Variants in SNED1 observed in about 807,000 individuals in gnomAD.
SNED1 encodes sushi, nidogen and EGF-like domain-containing protein 1.
In SNED1, 81 loss-of-function variants were observed where a neutral mutation model predicts 166.7. The observed-to-expected ratio is 0.49, with a 90% CI of 0.41 to 0.58. The LOEUF is 0.58. SNED1 is among the 20% of genes least tolerant of loss of function. The pLI is 0.00. For missense variants in SNED1, 1,604 were observed against 2,000.2 expected, an observed-to-expected ratio of 0.80 and a Z score of 3.78; for synonymous variants, 762 against 822.0, an observed-to-expected ratio of 0.93 and a Z score of 1.25.
At chr2:241,082,441 C>T (rs1184067765) in intron 29 of SNED1, 77 bp downstream of exon 29, 35 of 1,090,666 alleles carry the variant, frequency 3.2e-5, no homozygotes, top group Non-Finnish European at 8.3e-6. Flanking sequence ...CTCAAAGCTA[C>T]CCAGCTAACC....
intron 27 of SNED1, among the ~76,000 whole-genome samples, chr2:241,081,463 A>G (rs768779569): frequency 3.4e-4 from 52 of 152,114 alleles, no homozygotes; most frequent in Non-Finnish European, 7.1e-4. Flanking sequence ...GGCCGAGCAC[A>G]CTGCGGCCTG....
chr2:241,041,888 T>C (rs1420645933), intron 8 of SNED1, among the ~76,000 whole-genome samples: 1 of 152,154 alleles, frequency 6.6e-6, no homozygotes, highest in African/African-American at 2.4e-5. Flanking sequence ...TCTTGGAATT[T>C]CCCTCTCACC....
Position 241,051,264 on chromosome 2 carries a change from C to T in SNED1, c.1736-480C>T, listed in dbSNP as rs2061830843. 6.5e-6 allele frequency: 1 copy of T among 154,818 alleles called. No individual in the cohort carries two copies. Among genetic ancestry groups the T allele is most frequent in the Admixed American group, 6.5e-5 (1 of 15,372 alleles). 9.6% of individuals were successfully genotyped at this position (154,818 alleles called of 1,614,324 possible). A position where few individuals can be genotyped will look rare whatever the true frequency, so the allele number is the denominator to read the frequency against. ...AAGCACAGGCCCGGCCGTCTGAGCT[C>T]CTCGGGTTCCAGGAACTGTTAGGAC... On this transcript the variant is annotated intron_variant, in intron 12 of 31. Coordinates refer to ENST00000310397, the MANE Select transcript of SNED1 (RefSeq NM_001080437.3). The surrounding 1 kb of genome is among the most constrained non-coding windows in gnomAD (Gnocchi z 4.7).
At chr2:240,998,460 C>T (rs543667418), upstream of SNED1, among the ~76,000 whole-genome samples, 1 of 152,304 alleles carries the variant, frequency 6.6e-6, no homozygotes, top group African/African-American at 2.4e-5. Flanking sequence ...CCGCAGAGCC[C>T]TCACCTTGCC....
At chr2:241,067,340 C>T (rs893057465) in intron 21 of SNED1, among the ~76,000 whole-genome samples, 10 of 152,220 alleles carry the variant, frequency 6.6e-5, no homozygotes, top group African/African-American at 2.4e-4. Context: ...TTCTGTATGT[C>T]TGTCCTCCTA....
At chr2:241,066,722 G>A (rs2062465989) in intron 21 of SNED1, among the ~76,000 whole-genome samples, 1 of 152,218 alleles carries the variant, frequency 6.6e-6, no homozygotes, top group East Asian at 1.9e-4. Flanking sequence ...TGAAACCTAT[G>A]GGTAGCATGG....
intron 1 of SNED1, among the ~76,000 whole-genome samples, chr2:241,024,279 T>TGTGTCAC (rs2060874621): frequency 7.4e-6 from 1 of 135,456 alleles, no homozygotes; most frequent in Non-Finnish European, 1.6e-5. Flanking sequence ...AGAGTCTTGC[T>TGTGTCAC]GTGTCACCCA....
At chr2:241,043,508 TAAAGG>T (rs1431017582) in intron 8 of SNED1, among the ~76,000 whole-genome samples, 5 of 151,888 alleles carry the variant, frequency 3.3e-5, no homozygotes, top group African/African-American at 9.7e-5. Context: ...AAAAAAATGT[TAAAGG>T]AAATTATTTA....
At position 241,073,709 on chromosome 2, in the gene SNED1, C is replaced by G. The variant is rs2062865004; in HGVS notation, c.3916+345C>G. Reference sequence around the variant, plus strand: ...CAGCCCCTGCCTCTGGGCCCCTCACCCCTCACTTCTCCAAAGAGGAGCAGG... The same window carrying G: ...CAGCCCCTGCCTCTGGGCCCCTCACGCCTCACTTCTCCAAAGAGGAGCAGG... On this transcript the variant is annotated intron_variant, in intron 27 of 31. Coordinates refer to ENST00000310397, the MANE Select transcript of SNED1 (RefSeq NM_001080437.3). The surrounding 1 kb of genome is among the most constrained non-coding windows in gnomAD (Gnocchi z 6.6). The G allele has an allele frequency of 4.5e-6, 2 of 446,410 alleles. No individual in the cohort carries two copies. The highest frequency in any genetic ancestry group is 7.9e-6 in the Non-Finnish European group (2 of 251,872). The allele number at this position is 446,410 out of a possible 1,614,324, so 27.7% of individuals were successfully genotyped here. A position where few individuals can be genotyped will look rare whatever the true frequency, so the allele number is the denominator to read the frequency against.
Position 241,075,943 on chromosome 2 carries a change from C to T in SNED1, c.3916+2579C>T, listed in dbSNP as rs910262237. ...TTCATCTCTTCATGCTAAAAAGTCC[C>T]TTTTTCCCCCACTGTCAGTATCAAA... On this transcript the variant is annotated intron_variant, in intron 27 of 31. Coordinates refer to ENST00000310397, the MANE Select transcript of SNED1 (RefSeq NM_001080437.3). The surrounding 1 kb of genome is among the most constrained non-coding windows in gnomAD (Gnocchi z 4.8). 6.6e-6 allele frequency among the ~76,000 whole-genome samples: 1 copy of T among 152,074 alleles called. No homozygotes were observed. The highest frequency in any genetic ancestry group is 1.5e-5 in the Non-Finnish European group (1 of 68,016).
intron 1 of SNED1, chr2:241,010,077 C>T (rs769182490): frequency 6.6e-6 from 1 of 152,242 alleles, no homozygotes; most frequent in East Asian, 1.9e-4. Flanking sequence ...TAAAACACCT[C>T]GAGGCTGTGC....
Position 241,064,872 on chromosome 2 carries a change from TG to T in SNED1, c.2633del (p.Gly878AlafsTer106). On this transcript the variant is annotated frameshift_variant, in exon 20 of 32. Coordinates refer to ENST00000310397, the MANE Select transcript of SNED1 (RefSeq NM_001080437.3). LOFTEE classifies it high-confidence loss of function. This position sits in a 1 kb window ranked among gnomAD's most constrained non-coding sequence, Gnocchi z 7.0. ...GTGACCCCTGCTTCTCCAGCCCCTG[TG>T]GGGGCCGTGGCTATTGCCTGGCCAG... is the stretch of plus-strand genomic sequence containing the variant. ...VSDPCFSSPC[G>X]GRGYCLASNG... 2 of 1,590,738 alleles carry T rather than the reference TG, an allele frequency of 1.3e-6. No individual in the cohort carries two copies. The highest frequency in any genetic ancestry group is 1.7e-6 in the Non-Finnish European group (2 of 1,173,122).
intron 1 of SNED1, among the ~76,000 whole-genome samples, chr2:241,014,831 G>A (rs1435920668): frequency 1.3e-5 from 2 of 152,138 alleles, no homozygotes; most frequent in Non-Finnish European, 2.9e-5. Context: ...ACCTGGAGGT[G>A]ATCTTCTCTT....
chr2:241,051,038 G>T lies in SNED1; in HGVS notation c.1736-706G>T, dbSNP rs1232349973. 1.7e-4 allele frequency among the ~76,000 whole-genome samples: 26 copies of T among 152,214 alleles called. 1 individual carries two copies. The highest frequency in any genetic ancestry group is 2.6e-4 in the Non-Finnish European group (18 of 68,034). The stretch of plus-strand genomic sequence containing the variant: ...CAAGGATGGCTGTCCTCAGGGGTGG[G>T]GCAGCCAGAGCTTGGACCTGCAGCG... On this transcript the variant is annotated intron_variant, in intron 12 of 31. Coordinates refer to ENST00000310397, the MANE Select transcript of SNED1 (RefSeq NM_001080437.3). This position sits in a 1 kb window ranked among gnomAD's most constrained non-coding sequence, Gnocchi z 4.7.
At chr2:241,026,904 T>G (rs1246145859) in intron 1 of SNED1, among the ~76,000 whole-genome samples, 1 of 152,248 alleles carries the variant, frequency 6.6e-6, no homozygotes, top group African/African-American at 2.4e-5. Context: ...TAAGTCCCTA[T>G]TCCCCTCTTC....
At chr2:241,039,847 C>T (rs57948600) in intron 6 of SNED1, among the ~76,000 whole-genome samples, 26,317 of 152,146 alleles carry the variant, frequency 0.17, 2,543 homozygotes, top group East Asian at 0.26. Flanking sequence ...TCCCTCCATC[C>T]CAGGTTTGCT....
At chr2:241,010,189 C>T (rs1559214840) in intron 1 of SNED1, 1 of 152,360 alleles carries the variant, frequency 6.6e-6, no homozygotes, top group South Asian at 2.1e-4. Flanking sequence ...CTCCTGGGGC[C>T]CTCGGAAGTC....
intron 8 of SNED1, among the ~76,000 whole-genome samples, chr2:241,045,738 G>A (rs150418690): frequency 1.3e-4 from 20 of 150,914 alleles, no homozygotes; most frequent in African/African-American, 4.6e-4. Flanking sequence ...TTTATGACCT[G>A]GTCTTAAGCA....
At chr2:241,017,806 C>A (rs1257930850) in intron 1 of SNED1, among the ~76,000 whole-genome samples, 1 of 152,192 alleles carries the variant, frequency 6.6e-6, no homozygotes, top group Non-Finnish European at 1.5e-5. Context: ...CCTGCAGAGC[C>A]CCGTAGGTCT....
Sources: gnomAD v4.1 joint callset for allele counts (sites outside exome capture counted in the v4.1 genomes callset) on GRCh38, gnomAD v4.1.1 for gene constraint, Gnocchi (gnomAD v3.1) non-coding constraint, MANE v1.5 for transcripts, NCBI Gene and HGNC (gene_info 2026-07-23, HGNC 2026-07-21) for gene names.